The following PHTF1 variants were observed in gnomAD, a reference collection of about 807,000 sequenced individuals.
PHTF1 encodes the protein putative homeodomain transcription factor 1.
PHTF1 carries 88 observed loss-of-function variants against 102.4 expected under a neutral mutation model. The ratio of observed to expected loss-of-function variants is 0.86; its 90% confidence interval spans 0.72 to 1.03. PHTF1 has a LOEUF of 1.03. PHTF1 is among the 50% of genes least tolerant of loss of function. The pLI, the probability that PHTF1 is intolerant of heterozygous loss-of-function variation, is 0.00. For missense variants in PHTF1, 814 were observed against 909.5 expected (o/e 0.89, Z 1.35); for synonymous variants, 289 against 305.2 (o/e 0.95, Z 0.55).
At chr1:113,731,902 TAAA>T (rs562312013) in intron 5 of PHTF1, among the ~76,000 whole-genome samples, 3 of 109,316 alleles carry the variant, frequency 2.7e-5, no homozygotes, top group Admixed American at 9.7e-5. Context: ...GTCTCAATTT[TAAA>T]AAAAAAAAAA....
At chr1:113,704,820 C>T (rs1220375361) in intron 13 of PHTF1, 23 bp from the exon 14 acceptor site, 2 of 1,517,764 alleles carry the variant, frequency 1.3e-6, no homozygotes, top group Non-Finnish European at 1.8e-6. Flanking sequence ...TAAAAAAAAT[C>T]ACAGTGAAAT....
intron 7 of PHTF1, among the ~76,000 whole-genome samples, chr1:113,715,594 G>T (rs1330398741): frequency 3.3e-5 from 4 of 122,744 alleles, no homozygotes; most frequent in Admixed American, 1.1e-4. Flanking sequence ...TTTGCAGTGA[G>T]CCGAGATTGT....
chr1:113,757,407 C>T (rs539863974), intron 3 of PHTF1, among the ~76,000 whole-genome samples: 143 of 152,312 alleles, frequency 9.4e-4, no homozygotes, highest in African/African-American at 3.3e-3. Flanking sequence ...AATATTTGGA[C>T]CTGCACTGCC....
At chr1:113,726,312 A>G in intron 6 of PHTF1, 106 bp downstream of exon 6, 1 of 899,868 alleles carries the variant, frequency 1.1e-6, no homozygotes, top group South Asian at 1.6e-5. Flanking sequence ...CCAAAAAATA[A>G]TGAAAAACAC....
At chr1:113,700,233 C>T in intron 16 of PHTF1, 1 of 830,284 alleles carries the variant, frequency 1.2e-6, no homozygotes, top group Non-Finnish European at 1.5e-6. Context: ...GAAGAATTCT[C>T]CATTACGATT....
chr1:113,753,726 T>A (rs1208481076), intron 3 of PHTF1, among the ~76,000 whole-genome samples: 1 of 150,832 alleles, frequency 6.6e-6, no homozygotes, highest in African/African-American at 2.4e-5. Flanking sequence ...GCCCAGCCTT[T>A]TTTTTTTTTT....
intron 7 of PHTF1, chr1:113,713,885 G>A (rs753940417): frequency 4.2e-4 from 66 of 158,066 alleles, no homozygotes; most frequent in Non-Finnish European, 8.1e-4. Context: ...TCACAGCCCA[G>A]GAAGAGACAG....
At chr1:113,746,451 C>T (rs1657256481) in intron 3 of PHTF1, among the ~76,000 whole-genome samples, 1 of 152,188 alleles carries the variant, frequency 6.6e-6, no homozygotes, top group Non-Finnish European at 1.5e-5. Context: ...GAATTCTTCT[C>T]TTATAGGAAG....
At chr1:113,728,079 AC>A (rs1306429044) in intron 5 of PHTF1, among the ~76,000 whole-genome samples, 1 of 152,090 alleles carries the variant, frequency 6.6e-6, no homozygotes, top group Non-Finnish European at 1.5e-5. Flanking sequence ...ACAGAGCAAG[AC>A]TCCGTCTCAG....
chr1:113,727,632 C>G (rs1654041114), intron 5 of PHTF1, among the ~76,000 whole-genome samples: 2 of 152,124 alleles, frequency 1.3e-5, no homozygotes, highest in Admixed American at 6.5e-5. Context: ...ATTTTGATCA[C>G]ATCTATACAA....
chr1:113,706,409 C>A (rs1650185892), intron 12 of PHTF1, among the ~76,000 whole-genome samples, 185 bp downstream of exon 12: 1 of 151,842 alleles, frequency 6.6e-6, no homozygotes, highest in South Asian at 2.1e-4. Flanking sequence ...AATGTATATA[C>A]TACCATGTAA....
chr1:113,745,450 A>G (rs767003148), intron 3 of PHTF1, among the ~76,000 whole-genome samples: 5 of 152,188 alleles, frequency 3.3e-5, no homozygotes, highest in African/African-American at 7.2e-5. Flanking sequence ...AAATTTTTCT[A>G]TAAAGAGCCA....
chr1:113,705,727 G>C, intron 13 of PHTF1, 163 bp downstream of exon 13: 1 of 635,548 alleles, frequency 1.6e-6, no homozygotes, highest in South Asian at 2.2e-5. Context: ...TATGTAAATA[G>C]TCAATAACAC....
chr1:113,704,508 C>T (rs1299845420), intron 14 of PHTF1, among the ~76,000 whole-genome samples, 158 bp downstream of exon 14: 1 of 152,140 alleles, frequency 6.6e-6, no homozygotes, highest in Non-Finnish European at 1.5e-5. Flanking sequence ...ACCAGCTTTG[C>T]AGAGAGATGA....
intron 7 of PHTF1, among the ~76,000 whole-genome samples, chr1:113,720,204 C>A (rs1652695817): frequency 1.3e-5 from 2 of 152,044 alleles, no homozygotes. Flanking sequence ...AGTTAAAGGT[C>A]ATTATATAAT....
chr1:113,738,328 C>A, intron 4 of PHTF1, 60 bp from the exon 5 acceptor site: 2 of 1,278,544 alleles, frequency 1.6e-6, no homozygotes, highest in Non-Finnish European at 2.2e-6. Context: ...TGAAGGCCAC[C>A]TGTAGCACTA....
chr1:113,713,002 A>G (rs192274471), intron 8 of PHTF1, among the ~76,000 whole-genome samples: 8 of 152,252 alleles, frequency 5.3e-5, no homozygotes, highest in Admixed American at 3.3e-4. Flanking sequence ...CGTGTTAGCC[A>G]AGATGATCTC....
chr1:113,702,870 GC>G (rs796916340), intron 15 of PHTF1, among the ~76,000 whole-genome samples: 12 of 152,234 alleles, frequency 7.9e-5, no homozygotes, highest in African/African-American at 2.9e-4. Flanking sequence ...GAAAGGCAAA[GC>G]CTGACATTTT....
At chr1:113,726,723 T>C in intron 5 of PHTF1, 149 bp from the exon 6 acceptor site, 2 of 548,676 alleles carry the variant, frequency 3.6e-6, no homozygotes, top group Non-Finnish European at 6.1e-6. Context: ...AGATGCACAT[T>C]AGCCAAGTGA....
Sources: allele counts gnomAD v4.1 joint callset (sites outside exome capture counted in the v4.1 genomes callset), GRCh38; gene constraint gnomAD v4.1.1; transcripts MANE v1.5; gene names NCBI Gene and HGNC (gene_info 2026-07-23, HGNC 2026-07-21).